MITF: variants seen among roughly 807,000 people sequenced by gnomAD.
MITF encodes the protein microphthalmia-associated transcription factor.
Under a neutral mutation model 60.5 loss-of-function variants are expected in MITF, and 17 were observed. That is an observed-to-expected ratio of 0.28 (90% CI 0.19 to 0.42). MITF has a LOEUF of 0.42. Ranked by LOEUF, MITF falls within the 10% of genes least tolerant of loss-of-function variation. MITF has a pLI of 1.00. For missense variants in MITF, 622 were observed against 683.5 expected (o/e 0.91, Z 1.00); for synonymous variants, 260 against 248.5 (o/e 1.05, Z -0.43).
At chr3:69,846,567 C>A (rs967555619) in intron 1 of MITF, among the ~76,000 whole-genome samples, 4 of 152,156 alleles carry the variant, frequency 2.6e-5, no homozygotes, top group African/African-American at 9.7e-5. Flanking sequence ...ATAATCCCAG[C>A]ACTTTGGGAG....
intron 2 of MITF, among the ~76,000 whole-genome samples, chr3:69,905,731 G>T (rs1178706281): frequency 1.3e-5 from 2 of 151,086 alleles, no homozygotes; most frequent in East Asian, 3.9e-4. Context: ...TTTTAAATTT[G>T]CATTTCCCTA....
intron 7 of MITF, among the ~76,000 whole-genome samples, chr3:69,952,717 GA>G (rs2066287281): frequency 2.0e-5 from 3 of 152,050 alleles, no homozygotes; most frequent in African/African-American, 7.2e-5. Context: ...TGTGTATTAA[GA>G]ATATAGACAC....
At position 69,813,335 on chromosome 3, in the gene MITF, A is replaced by G. The variant is rs116768569; in HGVS notation, c.105-65799A>G. Among the ~76,000 whole-genome samples, 1,518 of 152,320 alleles carry G rather than the reference A, an allele frequency of 1.0e-2. 17 individuals carry two copies. The highest frequency in any genetic ancestry group is 0.034 in the African/African-American group (1,424 of 41,580). ...TTGCTTCCATTATGCATTTACACCA[A>G]GTGGAATAAGTCTCCCTCTGGGAAG... On this transcript the variant is annotated intron_variant, in intron 1 of 9. Transcript: ENST00000352241.
chr3:69,885,710 A>C (rs1188446197), intron 2 of MITF, among the ~76,000 whole-genome samples: 1 of 152,134 alleles, frequency 6.6e-6, no homozygotes, highest in African/African-American at 2.4e-5. Context: ...AAAATGTCTT[A>C]AAAGGCTTTT....
intron 2 of MITF, among the ~76,000 whole-genome samples, chr3:69,906,681 G>A (rs911463859): frequency 1.3e-5 from 2 of 151,980 alleles, no homozygotes; most frequent in Non-Finnish European, 2.9e-5. Flanking sequence ...TTATCACTTC[G>A]GAAGTGACTT....
intron 1 of MITF, among the ~76,000 whole-genome samples, chr3:69,867,308 A>G (rs1442224763): frequency 6.6e-6 from 1 of 152,218 alleles, no homozygotes; most frequent in Non-Finnish European, 1.5e-5. Context: ...TAGCAGATCT[A>G]TTTTTAGAAT....
intron 2 of MITF, among the ~76,000 whole-genome samples, chr3:69,894,054 CT>C (rs1327888161): frequency 6.6e-6 from 1 of 152,192 alleles, no homozygotes; most frequent in Admixed American, 6.5e-5. Flanking sequence ...TAAACTTTCA[CT>C]TATAAGCTGA....
At chr3:69,795,468 A>T (rs894038865) in intron 1 of MITF, among the ~76,000 whole-genome samples, 3 of 152,304 alleles carry the variant, frequency 2.0e-5, no homozygotes, top group African/African-American at 7.2e-5. Context: ...GCTTATTCCT[A>T]TAATCTTAGC....
At chr3:69,755,651 G>T (rs1208879292) in intron 1 of MITF, among the ~76,000 whole-genome samples, 6 of 151,928 alleles carry the variant, frequency 3.9e-5, no homozygotes, top group Non-Finnish European at 7.4e-5. Flanking sequence ...AGAAAGGGGG[G>T]TTAGTCCAAA....
At chr3:69,763,688 C>A in intron 1 of MITF, 1 of 1,291,876 alleles carries the variant, frequency 7.7e-7, no homozygotes, top group East Asian at 3.7e-5. Context: ...GCCAAGGCAG[C>A]CCTGGTGAGT....
At chr3:69,815,633 C>T (rs2063169666) in intron 1 of MITF, among the ~76,000 whole-genome samples, 1 of 152,130 alleles carries the variant, frequency 6.6e-6, no homozygotes. Flanking sequence ...GCCTTCTGAT[C>T]AACAGAAGGC....
At chr3:69,915,311 T>C (rs2065309434) in intron 2 of MITF, among the ~76,000 whole-genome samples, 2 of 152,166 alleles carry the variant, frequency 1.3e-5, no homozygotes, top group Non-Finnish European at 2.9e-5. Flanking sequence ...TTTGAGATTT[T>C]CTGTATTATA....
chr3:69,842,361 CTTTAA>C (rs2063653208), intron 1 of MITF, among the ~76,000 whole-genome samples: 2 of 152,130 alleles, frequency 1.3e-5, no homozygotes, highest in Non-Finnish European at 2.9e-5. Context: ...GATTTATACC[CTTTAA>C]TTTAAGCGAT....
chr3:69,939,697 A>G (rs990232238), intron 4 of MITF, among the ~76,000 whole-genome samples: 1 of 152,186 alleles, frequency 6.6e-6, no homozygotes, highest in South Asian at 2.1e-4. Context: ...TTATATATCT[A>G]TGCATGTATA....
intron 1 of MITF, among the ~76,000 whole-genome samples, chr3:69,760,333 C>T (rs184911322): frequency 7.1e-4 from 108 of 152,194 alleles, no homozygotes; most frequent in Admixed American, 6.5e-3. Context: ...GGGGCCTAGC[C>T]TGGGAGGGTT....
In MITF at chr3:69,878,694, C is replaced by A. The variant is rs192213586; in HGVS notation, c.105-440C>A. The stretch of plus-strand genomic sequence containing the variant: ...TGTTAGTAAACATTTTAGGCATCTT[C>A]AAAGAACTTAGATAACATGTAGGAG... On this transcript the variant is annotated intron_variant, in intron 1 of 9. Coordinates refer to ENST00000352241, the MANE Select transcript of MITF (RefSeq NM_001354604.2). Among the ~76,000 whole-genome samples the A allele has an allele frequency of 2.3e-3, 354 of 152,170 alleles. 2 individuals are homozygous for A. The highest frequency in any genetic ancestry group is 8.2e-3 in the African/African-American group (341 of 41,518).
In MITF at chr3:69,949,151, T is replaced by A. The variant is rs2066177543; in HGVS notation, c.863T>A (p.Ile288Lys). 1 of 1,612,978 alleles carries A rather than the reference T, an allele frequency of 6.2e-7. No individual in the cohort carries two copies. The highest frequency in any genetic ancestry group is 1.3e-5 in the African/African-American group (1 of 74,930). The change falls in exon 6 of 10, where the codon ATA becomes AAA. Residue 288 changes from isoleucine to lysine, a missense_variant. Ile to Lys is a moderately radical substitution (Grantham distance 102). Transcript: ENST00000352241. Reference protein sequence around the residue: ...SNSCPANLPNIKRELTACIFP... With the variant: ...SNSCPANLPNKKRELTACIFP... Reference sequence around the variant, plus strand: ...TCCTGTCCAGCCAACCTTCCCAACATAAAAAGGGAGCTCACAGGTAAACAC... The same window carrying A: ...TCCTGTCCAGCCAACCTTCCCAACAAAAAAAGGGAGCTCACAGGTAAACAC...
chr3:69,938,837 A>G (rs2065904195), intron 3 of MITF: 1 of 1,410,988 alleles, frequency 7.1e-7, no homozygotes. Flanking sequence ...CTAGAGTTGG[A>G]TTGATTTTAA....
intron 1 of MITF, among the ~76,000 whole-genome samples, chr3:69,785,661 A>T (rs75195156): frequency 6.6e-6 from 1 of 152,328 alleles, no homozygotes. Flanking sequence ...TTTAGGCTCC[A>T]TGACCTGAAG....
Sources: gnomAD v4.1 joint callset for allele counts (sites outside exome capture counted in the v4.1 genomes callset) on GRCh38, gnomAD v4.1.1 for gene constraint, MANE v1.5 for transcripts, NCBI Gene and HGNC (gene_info 2026-07-23, HGNC 2026-07-21) for gene names.